CPQ: variants seen among roughly 807,000 people sequenced by gnomAD.
CPQ encodes carboxypeptidase Q.
In CPQ, 37 loss-of-function variants were observed where a neutral mutation model predicts 45.7. The ratio of observed to expected loss-of-function variants is 0.81; its 90% CI spans 0.62 to 1.07. The LOEUF (loss-of-function observed/expected upper bound fraction) is 1.07. CPQ is among the 50% of genes least tolerant of loss of function. The pLI, the probability that CPQ is intolerant of heterozygous loss-of-function variation, is 0.00. For missense variants in CPQ, 537 were observed against 572.9 expected (o/e 0.94, Z 0.64); for synonymous variants, 186 against 205.8 (o/e 0.90, Z 0.82).
intron 4 of CPQ, among the ~76,000 whole-genome samples, chr8:96,890,128 T>C (rs1374671369): frequency 6.6e-6 from 1 of 152,222 alleles, no homozygotes; most frequent in East Asian, 1.9e-4. Context: ...AGCACACTAA[T>C]TGTTAACCTA....
At chr8:96,771,860 C>T (rs767445463) in intron 1 of CPQ, among the ~76,000 whole-genome samples, 2 of 152,046 alleles carry the variant, frequency 1.3e-5, no homozygotes, top group Non-Finnish European at 2.9e-5. Context: ...TGTTCACTTA[C>T]TACTACATTT....
chr8:96,956,946 C>G (rs1050840881), intron 4 of CPQ, among the ~76,000 whole-genome samples: 2 of 152,204 alleles, frequency 1.3e-5, no homozygotes, highest in Non-Finnish European at 2.9e-5. Flanking sequence ...CTTGTGCAGG[C>G]ATGGAGCCTT....
rs530244742 is a variant in CPQ at position 96,689,640 on chromosome 8, A to G, written c.-35+44238A>G. Among the ~76,000 whole-genome samples the G allele has an allele frequency of 3.3e-5, 5 of 152,232 alleles. No homozygotes were observed. The South Asian group carries it at 1.0e-3, about 31-fold the overall frequency. Reference sequence around the variant, plus strand: ...CAGCAACAGTTCGATTGGATATAAAATTTTTTCTTATTTCCTTGAGGACTT... The same window carrying G: ...CAGCAACAGTTCGATTGGATATAAAGTTTTTTCTTATTTCCTTGAGGACTT... On this transcript the variant is annotated intron_variant, in intron 1 of 7. Transcript: ENST00000220763.
chr8:96,994,964 G>C (rs1208634393), intron 5 of CPQ, among the ~76,000 whole-genome samples: 1 of 152,072 alleles, frequency 6.6e-6, no homozygotes, highest in South Asian at 2.1e-4. Flanking sequence ...CGAATCTAGT[G>C]AATGATGGGA....
At chr8:96,790,557 T>C (rs1810833097) in intron 2 of CPQ, among the ~76,000 whole-genome samples, 1 of 152,156 alleles carries the variant, frequency 6.6e-6, no homozygotes, top group Non-Finnish European at 1.5e-5. Context: ...TGGTAGTCTG[T>C]CCTTCCAAAG....
chr8:96,927,138 T>C (rs1586455095), intron 4 of CPQ, among the ~76,000 whole-genome samples: 2 of 152,214 alleles, frequency 1.3e-5, no homozygotes, highest in South Asian at 4.1e-4. Flanking sequence ...TGTGATTCTA[T>C]TTATATACTG....
chr8:96,738,436 T>C (rs553940063), intron 1 of CPQ, among the ~76,000 whole-genome samples: 3 of 151,712 alleles, frequency 2.0e-5, no homozygotes, highest in Non-Finnish European at 2.9e-5. Flanking sequence ...TATTCATTTT[T>C]ATTTTTTATT....
intron 1 of CPQ, among the ~76,000 whole-genome samples, chr8:96,758,343 A>G (rs1810352981): frequency 6.6e-6 from 1 of 152,208 alleles, no homozygotes; most frequent in Admixed American, 6.5e-5. Context: ...TGGGTAATCA[A>G]CATCTTTTCT....
At chr8:96,925,551 A>G (rs1312050509) in intron 4 of CPQ, among the ~76,000 whole-genome samples, 3 of 151,482 alleles carry the variant, frequency 2.0e-5, no homozygotes, top group African/African-American at 7.3e-5. Context: ...CCCAGCTAAT[A>G]TTTGTATTTT....
intron 5 of CPQ, among the ~76,000 whole-genome samples, chr8:96,975,903 A>G (rs943330843): frequency 6.6e-6 from 1 of 152,102 alleles, no homozygotes; most frequent in African/African-American, 2.4e-5. Context: ...GGGAAAGTTG[A>G]AAGCATTCCC....
At chr8:97,031,229 C>G (rs905366465) in intron 6 of CPQ, among the ~76,000 whole-genome samples, 7 of 149,996 alleles carry the variant, frequency 4.7e-5, no homozygotes, top group Non-Finnish European at 7.4e-5. Context: ...CTTTGTTGCC[C>G]AGGCTGGAGT....
intron 4 of CPQ, among the ~76,000 whole-genome samples, chr8:96,940,064 T>A (rs898288784): frequency 6.6e-6 from 1 of 152,304 alleles, no homozygotes; most frequent in African/African-American, 2.4e-5. Context: ...GACTCTGTTA[T>A]CATAATAAAT....
chr8:97,101,673 AAT>A (rs766876745), intron 7 of CPQ, among the ~76,000 whole-genome samples: 1 of 150,408 alleles, frequency 6.6e-6, no homozygotes, highest in African/African-American at 2.4e-5. Flanking sequence ...CTAAGTAGCC[AAT>A]ACCAGAGATC....
intron 3 of CPQ, among the ~76,000 whole-genome samples, chr8:96,866,397 T>C (rs2130870844): frequency 6.6e-6 from 1 of 152,172 alleles, no homozygotes; most frequent in African/African-American, 2.4e-5. Flanking sequence ...TCTCAGCACA[T>C]GAGACCCTTT....
At chr8:96,714,396 T>C (rs1247164564) in intron 1 of CPQ, among the ~76,000 whole-genome samples, 1 of 152,192 alleles carries the variant, frequency 6.6e-6, no homozygotes, top group African/African-American at 2.4e-5. Context: ...GTCTTCAAGC[T>C]CTAAAATTCT....
At chr8:96,893,515 A>G (rs368015196) in intron 4 of CPQ, among the ~76,000 whole-genome samples, 25 of 152,308 alleles carry the variant, frequency 1.6e-4, no homozygotes, top group African/African-American at 6.0e-4. Context: ...ATAGTACTTT[A>G]CAATTTGTAA....
intron 1 of CPQ, among the ~76,000 whole-genome samples, chr8:96,706,917 A>C (rs1391752378): frequency 2.0e-5 from 3 of 152,158 alleles, no homozygotes; most frequent in African/African-American, 7.2e-5. Flanking sequence ...GCTGAAGTAA[A>C]AAGCCTGTAG....
chr8:96,829,761 T>C (rs931692345), intron 2 of CPQ, among the ~76,000 whole-genome samples: 21 of 152,176 alleles, frequency 1.4e-4, no homozygotes, highest in African/African-American at 3.9e-4. Flanking sequence ...AATTGTACTT[T>C]GTACTTTCAT....
chr8:97,105,533 C>T (rs551491536), intron 7 of CPQ, among the ~76,000 whole-genome samples: 14 of 151,868 alleles, frequency 9.2e-5, no homozygotes, highest in Non-Finnish European at 2.1e-4. Context: ...CATTGGTATA[C>T]AAATAAATGC....
Sources: gnomAD v4.1 joint callset for allele counts (sites outside exome capture counted in the v4.1 genomes callset) on GRCh38, gnomAD v4.1.1 for gene constraint, MANE v1.5 for transcripts, NCBI Gene and HGNC (gene_info 2026-07-23, HGNC 2026-07-21) for gene names.